The following CALD1 variants were observed in gnomAD, a reference collection of about 807,000 sequenced individuals.
The protein encoded by CALD1 is caldesmon.
CALD1 carries 33 observed loss-of-function variants against 99.9 expected under a neutral mutation model. That is an observed-to-expected ratio of 0.33 (90% CI 0.25 to 0.44). The LOEUF (loss-of-function observed/expected upper bound fraction) is 0.44. Ranked by LOEUF, CALD1 falls within the 20% of genes least tolerant of loss-of-function variation. CALD1 has a pLI of 1.00. For missense variants in CALD1, 861 were observed against 962.1 expected (o/e 0.89, Z 1.39); for synonymous variants, 310 against 325.0 (o/e 0.95, Z 0.50).
At chr7:134,818,604 C>T (rs1798649534) in intron 1 of CALD1, among the ~76,000 whole-genome samples, 1 of 152,074 alleles carries the variant, frequency 6.6e-6, no homozygotes, top group Non-Finnish European at 1.5e-5. Context: ...TCTCTTGACC[C>T]AGATGAAGCC....
At chr7:134,897,707 T>C (rs1802683022) in intron 3 of CALD1, among the ~76,000 whole-genome samples, 1 of 151,994 alleles carries the variant, frequency 6.6e-6, no homozygotes, top group Non-Finnish European at 1.5e-5. Context: ...TTTTTTTTAA[T>C]CTAACTAATT....
chr7:134,764,877 T>C (rs1796812261), intron 1 of CALD1, among the ~76,000 whole-genome samples: 1 of 152,058 alleles, frequency 6.6e-6, no homozygotes. Flanking sequence ...AGGGAGAAAG[T>C]AGAAGTTTGT....
intron 1 of CALD1, 75 bp downstream of exon 1, chr7:134,779,824 C>A: frequency 2.5e-6 from 1 of 397,052 alleles, no homozygotes; most frequent in Non-Finnish European, 4.4e-6. Flanking sequence ...AGTCAACATT[C>A]CTGGCTAAGG....
At chr7:134,842,004 A>G (rs969447597) in intron 1 of CALD1, among the ~76,000 whole-genome samples, 2 of 152,120 alleles carry the variant, frequency 1.3e-5, no homozygotes, top group African/African-American at 2.4e-5. Flanking sequence ...CTCACCATCC[A>G]ACCTCCAGGG....
At position 134,933,286 on chromosome 7, in the gene CALD1, C is replaced by G. The variant is rs1805678802; in HGVS notation, c.517C>G (p.Gln173Glu). Reference sequence around the variant, plus strand: ...AACAGAAACAGTCACCAAGTCCTACCAGAAGAATGATTGGAGGGATGCTGA... The same window carrying G: ...AACAGAAACAGTCACCAAGTCCTACGAGAAGAATGATTGGAGGGATGCTGA... ...EETETVTKSY[Q>E]KNDWRDAEEN... The change falls in exon 5 of 15, where the codon CAG (glutamine) becomes GAG (glutamate). Residue 173 changes from glutamine (Q) to glutamate (E), a missense_variant. Around this residue, in one of 5 missense-constraint regions of CALD1, gnomAD observed 234 missense variants for 233.1 expected, o/e 1.00. Transcript: ENST00000361675. 6.2e-7 allele frequency: 1 copy of G among 1,602,084 alleles called. No homozygotes were observed. The highest frequency in any genetic ancestry group is 8.5e-7 in the Non-Finnish European group (1 of 1,175,934).
intron 1 of CALD1, among the ~76,000 whole-genome samples, chr7:134,838,332 G>C (rs1799524724): frequency 6.6e-6 from 1 of 152,126 alleles, no homozygotes; most frequent in African/African-American, 2.4e-5. Context: ...GATACATAGG[G>C]AAAATCTGAA....
intron 1 of CALD1, among the ~76,000 whole-genome samples, chr7:134,842,606 C>T (rs771903745): frequency 1.3e-5 from 2 of 152,024 alleles, no homozygotes; most frequent in Non-Finnish European, 2.9e-5. Context: ...GTAAAGGATC[C>T]CTAATTTAAC....
chr7:134,740,417 T>C (rs1562986440), upstream of CALD1, among the ~76,000 whole-genome samples: 1 of 152,150 alleles, frequency 6.6e-6, no homozygotes, highest in Non-Finnish European at 1.5e-5. Flanking sequence ...CAAAGTCTTA[T>C]TTTTAGGTCC....
chr7:134,865,309 G>A (rs1033792004), intron 2 of CALD1, among the ~76,000 whole-genome samples: 10 of 152,060 alleles, frequency 6.6e-5, no homozygotes, highest in East Asian at 3.9e-4. Context: ...GGTTGATACC[G>A]AGAGCCATTT....
At chr7:134,723,091 C>T in the CALD1 span, among the ~76,000 whole-genome samples, 2 of 152,168 alleles carry the variant, frequency 1.3e-5, no homozygotes, top group Admixed American at 1.3e-4. Context: ...CACAGCTAAG[C>T]CTGAGTATGA....
intron 1 of CALD1, among the ~76,000 whole-genome samples, chr7:134,759,220 C>T (rs1193522747): frequency 6.6e-6 from 1 of 152,182 alleles, no homozygotes; most frequent in East Asian, 1.9e-4. Flanking sequence ...CAAATATTTA[C>T]TGATGCTCTC....
intron 6 of CALD1, among the ~76,000 whole-genome samples, chr7:134,938,993 C>G (rs1044737923): frequency 6.6e-6 from 1 of 152,148 alleles, no homozygotes; most frequent in Non-Finnish European, 1.5e-5. Context: ...CTCCACAGAC[C>G]GTGAGCTCCT....
intron 1 of CALD1, among the ~76,000 whole-genome samples, chr7:134,795,323 C>T (rs13241896): frequency 3.9e-5 from 6 of 152,050 alleles, no homozygotes; most frequent in East Asian, 1.9e-4. Flanking sequence ...ATAACTCTCA[C>T]GAGATCTGAT....
intron 2 of CALD1, among the ~76,000 whole-genome samples, chr7:134,848,383 GA>G (rs1799940964): frequency 6.6e-6 from 1 of 152,190 alleles, no homozygotes; most frequent in African/African-American, 2.4e-5. Flanking sequence ...TGGTACAAAT[GA>G]GCTGTGATTT....
chr7:134,897,442 G>A (rs1802657568), intron 3 of CALD1, among the ~76,000 whole-genome samples: 1 of 150,348 alleles, frequency 6.7e-6, no homozygotes, highest in African/African-American at 2.4e-5. Flanking sequence ...GCTCACACTT[G>A]CTGTGTACAA....
chr7:134,831,152 T>C (rs190877849), intron 1 of CALD1, among the ~76,000 whole-genome samples: 6 of 152,172 alleles, frequency 3.9e-5, no homozygotes. Context: ...GTGTAAAAAA[T>C]ATGTATAATA....
Position 134,950,411 on chromosome 7 carries a change from G to C in CALD1, c.1832G>C (p.Arg611Pro). 6.2e-7 allele frequency: 1 copy of C among 1,614,094 alleles called. No individual in the cohort carries two copies. Among genetic ancestry groups the C allele is most frequent in the Non-Finnish European group, 8.5e-7 (1 of 1,179,936 alleles). The change falls in exon 9 of 15, where the codon CGA (arginine) becomes CCA (proline). Residue 611 changes from arginine to proline, a missense_variant. Arg to Pro is a moderately radical substitution (Grantham distance 103, BLOSUM62 -2). Coordinates refer to ENST00000361675, the MANE Select transcript of CALD1 (RefSeq NM_033138.4). ...AGGCTAAAGGAAGAGATTGAAAGGCGAAGAGCAGAAGCTGCTGAGAAACGC... is the reference window on the plus strand; with the variant it reads ...AGGCTAAAGGAAGAGATTGAAAGGCCAAGAGCAGAAGCTGCTGAGAAACGC... Reference protein sequence around the residue: ...KRRLKEEIERRRAEAAEKRQK... With the variant: ...KRRLKEEIERPRAEAAEKRQK...
At chr7:134,823,674 T>C (rs1304866543) in intron 1 of CALD1, among the ~76,000 whole-genome samples, 1 of 152,218 alleles carries the variant, frequency 6.6e-6, no homozygotes, top group Admixed American at 6.5e-5. Flanking sequence ...ACTCATTTCA[T>C]AGTTCCCAAA....
chr7:134,846,728 C>A (rs1425912396), intron 2 of CALD1, among the ~76,000 whole-genome samples: 3 of 152,196 alleles, frequency 2.0e-5, no homozygotes. Flanking sequence ...CCACCTCCTG[C>A]ATTTCTTTAT....
Sources: allele counts gnomAD v4.1 joint callset (sites outside exome capture counted in the v4.1 genomes callset), GRCh38; gene constraint gnomAD v4.1.1; regional missense constraint gnomAD v4.1.1; transcripts MANE v1.5; gene names NCBI Gene and HGNC (gene_info 2026-07-23, HGNC 2026-07-21).